Variants in KCNC2 observed in about 807,000 individuals in gnomAD.
KCNC2 encodes potassium voltage-gated channel subfamily C member 2.
KCNC2 carries 21 observed loss-of-function variants against 44.5 expected under a neutral mutation model. The observed-to-expected ratio is 0.47, with a 90% CI of 0.33 to 0.68. KCNC2 has a LOEUF of 0.68. KCNC2 is among the 30% of genes least tolerant of loss of function. KCNC2 has a pLI of 0.01. For missense variants in KCNC2, 589 were observed against 826.2 expected, an observed-to-expected ratio of 0.71 and a Z score of 3.52; for synonymous variants, 391 against 339.1, an observed-to-expected ratio of 1.15 and a Z score of -1.68.
rs571347970 is a variant in KCNC2, at chr12:75,148,819, A to G, written c.687+58478T>C. 3.3e-5 allele frequency among the ~76,000 whole-genome samples: 5 copies of G among 151,912 alleles called. No individual in the cohort carries two copies. In the South Asian group the frequency reaches 1.0e-3, roughly 31 times the overall value. On this transcript the variant is annotated intron_variant, in intron 2 of 4. Transcript: ENST00000549446. ...GAAAAGTAATTAGTCAATATTCTGAATTCAGTTTTGTTTATTTTGTTTCTT... is the reference window on the plus strand; with the variant it reads ...GAAAAGTAATTAGTCAATATTCTGAGTTCAGTTTTGTTTATTTTGTTTCTT...
intron 2 of KCNC2, among the ~76,000 whole-genome samples, chr12:75,066,039 T>A (rs1882796880): frequency 6.6e-6 from 1 of 152,134 alleles, no homozygotes; most frequent in Non-Finnish European, 1.5e-5. Flanking sequence ...AATATACGTC[T>A]ATTAAAATTT....
chr12:75,206,445 A>C (rs1056169086), intron 2 of KCNC2, among the ~76,000 whole-genome samples: 2 of 152,204 alleles, frequency 1.3e-5, no homozygotes, highest in African/African-American at 2.4e-5. Context: ...TCAAGGATTA[A>C]AGTTGAGCTG....
chr12:75,055,513 T>C (rs545169964), intron 2 of KCNC2, among the ~76,000 whole-genome samples: 1 of 152,158 alleles, frequency 6.6e-6, no homozygotes, highest in Admixed American at 6.6e-5. Flanking sequence ...CAGACATTAA[T>C]TAAAAATAAA....
intron 2 of KCNC2, among the ~76,000 whole-genome samples, chr12:75,128,516 T>C (rs944669266): frequency 3.9e-5 from 6 of 152,150 alleles, no homozygotes; most frequent in Non-Finnish European, 7.4e-5. Context: ...AAAAAATTCT[T>C]TGTTCCCAAA....
At chr12:75,182,261 C>T (rs1024828311) in intron 2 of KCNC2, among the ~76,000 whole-genome samples, 2 of 151,590 alleles carry the variant, frequency 1.3e-5, no homozygotes, top group Non-Finnish European at 2.9e-5. Flanking sequence ...GGTGGTGGCT[C>T]ACGCCTGTAA....
intron 2 of KCNC2, among the ~76,000 whole-genome samples, chr12:75,059,761 A>G (rs1009659326): frequency 2.6e-5 from 4 of 152,144 alleles, no homozygotes; most frequent in African/African-American, 9.7e-5. Flanking sequence ...AATAAATATG[A>G]CTATGCATTT....
chr12:75,090,165 G>A (rs927492687), intron 2 of KCNC2, among the ~76,000 whole-genome samples: 1 of 151,628 alleles, frequency 6.6e-6, no homozygotes, highest in East Asian at 1.9e-4. Context: ...TCTACATATC[G>A]CTAAACACAT....
At chr12:75,198,479 A>C (rs1487480677) in intron 2 of KCNC2, among the ~76,000 whole-genome samples, 1 of 151,938 alleles carries the variant, frequency 6.6e-6, no homozygotes, top group Admixed American at 6.6e-5. Context: ...AGTAACTTTC[A>C]TAATATTCCT....
At chr12:75,162,486 T>A (rs1175196665) in intron 2 of KCNC2, among the ~76,000 whole-genome samples, 1 of 151,732 alleles carries the variant, frequency 6.6e-6, no homozygotes. Context: ...GCTTTGGGAT[T>A]AATAGATTAC....
intron 2 of KCNC2, among the ~76,000 whole-genome samples, chr12:75,162,161 A>G (rs1484055621): frequency 6.6e-6 from 1 of 151,722 alleles, no homozygotes; most frequent in Non-Finnish European, 1.5e-5. Flanking sequence ...TCTGTATGGC[A>G]AGTCTTCCAT....
intron 2 of KCNC2, among the ~76,000 whole-genome samples, chr12:75,203,198 C>T (rs1202767961): frequency 6.6e-6 from 1 of 151,638 alleles, no homozygotes; most frequent in Non-Finnish European, 1.5e-5. Flanking sequence ...AAATCAAGTG[C>T]TACATTTAAT....
At chr12:75,098,194 A>G (rs1422068943) in intron 2 of KCNC2, among the ~76,000 whole-genome samples, 2 of 152,180 alleles carry the variant, frequency 1.3e-5, no homozygotes, top group East Asian at 3.9e-4. Flanking sequence ...TTATGTTAAA[A>G]CACATTATCA....
intron 2 of KCNC2, among the ~76,000 whole-genome samples, chr12:75,069,129 CTTTTTTTT>C (rs1158151551): frequency 3.1e-5 from 2 of 63,662 alleles, no homozygotes; most frequent in East Asian, 5.2e-4. Context: ...TTTATATAAT[CTTTTTTTT>C]TTTTTTTTTT....
At chr12:75,102,690 T>C (rs898372792) in intron 2 of KCNC2, among the ~76,000 whole-genome samples, 4 of 152,058 alleles carry the variant, frequency 2.6e-5, no homozygotes, top group Admixed American at 1.3e-4. Flanking sequence ...TGTTTTTTAT[T>C]ATCAAACAGT....
At chr12:75,201,665 T>A (rs1461959646) in intron 2 of KCNC2, among the ~76,000 whole-genome samples, 2 of 151,808 alleles carry the variant, frequency 1.3e-5, no homozygotes, top group Non-Finnish European at 3.0e-5. Flanking sequence ...AACACTCACA[T>A]TCTATTCACT....
At chr12:75,053,283 T>G (rs1006955543) in intron 2 of KCNC2, among the ~76,000 whole-genome samples, 3 of 152,110 alleles carry the variant, frequency 2.0e-5, no homozygotes, top group African/African-American at 7.2e-5. Flanking sequence ...AACTACACTC[T>G]TCACCATCCC....
intron 2 of KCNC2, among the ~76,000 whole-genome samples, chr12:75,203,358 G>A (rs2031444975): frequency 1.3e-5 from 2 of 151,734 alleles, no homozygotes; most frequent in Non-Finnish European, 3.0e-5. Context: ...GGCTTCTACG[G>A]AGTACGTTTT....
In KCNC2 at chr12:75,187,053, T is replaced by A. The variant is rs182715383; in HGVS notation, c.687+20244A>T. ...CAATTAAATGACCTCTTCCTTTTTT[T>A]AAAAAAGATGCCCTAAGAACAGTAC... is the stretch of plus-strand genomic sequence containing the variant. On this transcript the variant is annotated intron_variant, in intron 2 of 4. Transcript: ENST00000549446. Among the ~76,000 whole-genome samples the A allele has an allele frequency of 6.4e-3, 968 of 152,324 alleles. 8 individuals are homozygous for A. Among genetic ancestry groups the A allele is most frequent in the African/African-American group, 0.02 (844 of 41,570 alleles).
chr12:75,188,788 G>A (rs969118217), intron 2 of KCNC2, among the ~76,000 whole-genome samples: 1 of 151,766 alleles, frequency 6.6e-6, no homozygotes, highest in Non-Finnish European at 1.5e-5. Context: ...TGAACCCGGA[G>A]TTGGAGGATG....
Sources: allele counts gnomAD v4.1 joint callset (sites outside exome capture counted in the v4.1 genomes callset), GRCh38; gene constraint gnomAD v4.1.1; transcripts MANE v1.5; gene names NCBI Gene and HGNC (gene_info 2026-07-23, HGNC 2026-07-21).